Variants in EYA2 observed in about 807,000 individuals in gnomAD.
The protein encoded by EYA2 is EYA transcriptional coactivator and phosphatase 2, also known as protein phosphatase EYA2.
EYA2 carries 31 observed loss-of-function variants against 69.2 expected under a neutral mutation model. The ratio of observed to expected loss-of-function variants is 0.45; its 90% CI spans 0.34 to 0.60. EYA2 has a LOEUF of 0.60. Among genes scored for constraint, EYA2 ranks in the 20% least tolerant of loss-of-function variants. EYA2 has a pLI of 0.02. For synonymous variants in EYA2, 257 were observed against 279.4 expected (o/e 0.92, Z 0.80); for missense variants, 622 against 701.2 (o/e 0.89, Z 1.28).
At chr20:47,055,367 T>G (rs2030555780) in intron 5 of EYA2, among the ~76,000 whole-genome samples, 2 of 152,206 alleles carry the variant, frequency 1.3e-5, no homozygotes, top group African/African-American at 4.8e-5. Flanking sequence ...GGATCCGCTG[T>G]GATCCCCTGA....
chr20:47,106,880 A>G (rs2032597246), intron 9 of EYA2, among the ~76,000 whole-genome samples: 1 of 152,170 alleles, frequency 6.6e-6, no homozygotes, highest in Admixed American at 6.5e-5. Flanking sequence ...GGGAGCAGAG[A>G]GTAACAACTC....
chr20:47,130,256 A>ATTTTATT (rs1392782309), intron 9 of EYA2, among the ~76,000 whole-genome samples: 2 of 69,804 alleles, frequency 2.9e-5, no homozygotes, highest in Non-Finnish European at 2.8e-5. Flanking sequence ...AAGAAGGTTT[A>ATTTTATT]TTTTCTTTTT....
intron 2 of EYA2, among the ~76,000 whole-genome samples, chr20:46,990,989 C>T (rs182208479): frequency 5.3e-5 from 8 of 152,352 alleles, no homozygotes; most frequent in Admixed American, 5.2e-4. Flanking sequence ...TGACATTTCT[C>T]CTTGCATGCT....
intron 10 of EYA2, 148 bp from the exon 11 acceptor site, chr20:47,168,991 A>G (rs3092400): frequency 0.55 from 373,010 of 673,356 alleles, 105,604 homozygotes; most frequent in African/African-American, 0.75. Flanking sequence ...AACCTTGAGT[A>G]TCCAAATCCA....
At chr20:47,035,842 T>C (rs1984674021) in intron 5 of EYA2, among the ~76,000 whole-genome samples, 1 of 149,836 alleles carries the variant, frequency 6.7e-6, no homozygotes, top group East Asian at 2.0e-4. Context: ...ACCCCGTCTC[T>C]GAAAAAAAAA....
chr20:47,170,080 G>GT (rs1035829986), intron 11 of EYA2, among the ~76,000 whole-genome samples: 7 of 151,368 alleles, frequency 4.6e-5, no homozygotes, highest in African/African-American at 1.2e-4. Context: ...TAATTTTTTT[G>GT]TTTTTTTAGT....
chr20:47,086,205 G>C (rs918897210), intron 7 of EYA2, among the ~76,000 whole-genome samples: 1 of 152,156 alleles, frequency 6.6e-6, no homozygotes, highest in Admixed American at 6.6e-5. Context: ...AGGTTTAATG[G>C]CTGGGCACAG....
intron 1 of EYA2, among the ~76,000 whole-genome samples, chr20:46,962,140 C>A (rs1168786821): frequency 6.6e-6 from 1 of 152,194 alleles, no homozygotes; most frequent in African/African-American, 2.4e-5. Flanking sequence ...GTGATCCTCC[C>A]ACCTCAGCCT....
intron 5 of EYA2, among the ~76,000 whole-genome samples, chr20:47,029,639 C>G (rs930057702): frequency 4.6e-5 from 7 of 152,198 alleles, no homozygotes; most frequent in Non-Finnish European, 1.0e-4. Flanking sequence ...TTACTAACTT[C>G]CTTATTCTCT....
At chr20:47,072,766 T>G (rs2031361898) in intron 6 of EYA2, among the ~76,000 whole-genome samples, 1 of 152,244 alleles carries the variant, frequency 6.6e-6, no homozygotes, top group African/African-American at 2.4e-5. Context: ...AGTTCGCATC[T>G]GCTCAAAGTG....
intron 1 of EYA2, among the ~76,000 whole-genome samples, chr20:46,924,293 C>T (rs1985305072): frequency 6.6e-6 from 1 of 152,228 alleles, no homozygotes; most frequent in Non-Finnish European, 1.5e-5. Context: ...CAGCTGGAAA[C>T]TCCTCTCAAG....
intron 1 of EYA2, among the ~76,000 whole-genome samples, chr20:46,940,797 C>T (rs912212496): frequency 7.9e-5 from 12 of 152,224 alleles, no homozygotes; most frequent in Admixed American, 3.3e-4. Context: ...CTGACCAGGC[C>T]TGAGCACCCC....
chr20:47,097,245 T>C (rs2032276548), intron 9 of EYA2, 77 bp downstream of exon 9: 1 of 1,205,900 alleles, frequency 8.3e-7, no homozygotes, highest in South Asian at 1.3e-5. Flanking sequence ...CTGGAAATTG[T>C]GCGGACAGTT....
At chr20:46,987,956 C>A (rs1255236747) in intron 1 of EYA2, among the ~76,000 whole-genome samples, 27 of 37,230 alleles carry the variant, frequency 7.3e-4, no homozygotes, top group Non-Finnish European at 9.0e-4. Context: ...CTCTCTCTCT[C>A]TCTCTCTCTA....
intron 13 of EYA2, among the ~76,000 whole-genome samples, chr20:47,180,522 C>G (rs1224053957): frequency 6.6e-6 from 1 of 152,198 alleles, no homozygotes; most frequent in Non-Finnish European, 1.5e-5. Context: ...ACACTTGTTC[C>G]ATATCACTCA....
At chr20:46,914,215 T>C (rs1214747078) in intron 1 of EYA2, among the ~76,000 whole-genome samples, 1 of 152,224 alleles carries the variant, frequency 6.6e-6, no homozygotes, top group Admixed American at 6.5e-5. Context: ...GACAAATTTG[T>C]TGGATTAACC....
chr20:46,929,605 C>T (rs1985577994), intron 1 of EYA2, among the ~76,000 whole-genome samples: 1 of 151,964 alleles, frequency 6.6e-6, no homozygotes, highest in African/African-American at 2.4e-5. Flanking sequence ...ACAGGGAGTC[C>T]AGCTTTAAGA....
At chr20:46,929,219 G>C (rs1985555259) in intron 1 of EYA2, among the ~76,000 whole-genome samples, 1 of 151,780 alleles carries the variant, frequency 6.6e-6, no homozygotes, top group South Asian at 2.1e-4. Flanking sequence ...CCTGGAAGGA[G>C]GAGAGGGCAG....
intron 5 of EYA2, among the ~76,000 whole-genome samples, chr20:47,060,169 C>A (rs2030814792): frequency 6.6e-6 from 1 of 152,212 alleles, no homozygotes; most frequent in Non-Finnish European, 1.5e-5. Flanking sequence ...CTTTTAGCTG[C>A]AAGTAATAAC....
Sources: allele counts gnomAD v4.1 joint callset (sites outside exome capture counted in the v4.1 genomes callset), GRCh38; gene constraint gnomAD v4.1.1; transcripts MANE v1.5; gene names NCBI Gene and HGNC (gene_info 2026-07-23, HGNC 2026-07-21).